Variants in CSGALNACT1 observed in about 807,000 individuals in gnomAD.
CSGALNACT1 encodes beta4GalNAcT-1.
CSGALNACT1 carries 52 observed loss-of-function variants against 51.0 expected under a neutral mutation model. That is an observed-to-expected ratio of 1.02 (90% CI 0.82 to 1.29). The LOEUF (loss-of-function observed/expected upper bound fraction) is 1.29. Among genes scored for constraint, CSGALNACT1 ranks in the 50% most tolerant of loss-of-function variants. CSGALNACT1 has a pLI of 0.00. For missense variants in CSGALNACT1, 935 were observed against 679.2 expected (o/e 1.38, Z -4.19); for synonymous variants, 341 against 254.4 (o/e 1.34, Z -3.24).
chr8:19,757,045 C>A lies in CSGALNACT1; in HGVS notation c.-297+805G>T, dbSNP rs117994996. 0.087 allele frequency: 13,051 copies of A among 150,706 alleles called. 762 individuals carry two copies. Among genetic ancestry groups the A allele is most frequent in the East Asian group, 0.24 (1,230 of 5,062 alleles). 9.3% of individuals were successfully genotyped at this position (150,706 alleles called of 1,614,324 possible). A position where few individuals can be genotyped will look rare whatever the true frequency, so the allele number is the denominator to read the frequency against. ...GGGAGGCCAGGCGCGGCACCGTCCT[C>A]CGCAGCTGCACGAGCCACCCCGAGG... is the stretch of plus-strand genomic sequence containing the variant. On this transcript the variant is annotated intron_variant, in intron 1 of 1. Transcript: ENST00000517494. The surrounding 1 kb of genome is among the most constrained non-coding windows in gnomAD (Gnocchi z 4.0).
upstream of CSGALNACT1, among the ~76,000 whole-genome samples, chr8:19,685,071 C>T (rs373507773): frequency 2.0e-5 from 3 of 152,060 alleles, no homozygotes; most frequent in African/African-American, 7.2e-5. Context: ...GTAAAGAGCA[C>T]AAACTTTGAA....
intron 4 of CSGALNACT1, among the ~76,000 whole-genome samples, chr8:19,464,279 C>A (rs2066182062): frequency 6.6e-6 from 1 of 152,148 alleles, no homozygotes; most frequent in African/African-American, 2.4e-5. Context: ...GCCTCTGGGG[C>A]CCAGTCGGTC....
intron 3 of CSGALNACT1, among the ~76,000 whole-genome samples, chr8:19,585,609 C>G (rs77744772): frequency 0.023 from 3,447 of 152,236 alleles, 148 homozygotes; most frequent in African/African-American, 0.079. Context: ...TATTAATTCC[C>G]TGATTGGTAA....
intron 6 of CSGALNACT1, among the ~76,000 whole-genome samples, chr8:19,433,619 G>A (rs771426910): frequency 5.3e-5 from 8 of 152,220 alleles, no homozygotes; most frequent in Non-Finnish European, 1.2e-4. Context: ...GTCAAATAAA[G>A]ACAACCTTGT....
At chr8:19,544,971 G>A (rs2154075502) in intron 3 of CSGALNACT1, among the ~76,000 whole-genome samples, 1 of 152,064 alleles carries the variant, frequency 6.6e-6, no homozygotes, top group Non-Finnish European at 1.5e-5. Flanking sequence ...ATGGGAACCA[G>A]GGGAGAAGCC....
At chr8:19,579,957 G>C (rs1402579140) in intron 3 of CSGALNACT1, among the ~76,000 whole-genome samples, 1 of 152,220 alleles carries the variant, frequency 6.6e-6, no homozygotes, top group South Asian at 2.1e-4. Context: ...AAGAGGAGGA[G>C]AAATAGCTGC....
intron 1 of CSGALNACT1, among the ~76,000 whole-genome samples, chr8:19,681,307 G>T (rs992614584): frequency 1.3e-5 from 2 of 152,162 alleles, no homozygotes; most frequent in African/African-American, 4.8e-5. Flanking sequence ...ATATGTGTAA[G>T]AGGTTGAGGC....
intron 3 of CSGALNACT1, among the ~76,000 whole-genome samples, chr8:19,564,889 T>C (rs1409645550): frequency 2.0e-5 from 3 of 152,194 alleles, no homozygotes; most frequent in Non-Finnish European, 4.4e-5. Flanking sequence ...CCTAGAACAG[T>C]GCCAGGCACA....
chr8:19,533,966 T>TTC (rs1359608642), intron 3 of CSGALNACT1, among the ~76,000 whole-genome samples: 1 of 152,130 alleles, frequency 6.6e-6, no homozygotes, highest in Non-Finnish European at 1.5e-5. Flanking sequence ...TTGGCATGTC[T>TTC]CTCCCTACCT....
chr8:19,525,812 C>A lies in CSGALNACT1; in HGVS notation c.-296-19682G>T, dbSNP rs79558422. On this transcript the variant is annotated intron_variant, in intron 3 of 9. Transcript: ENST00000454498. Reference sequence around the variant, plus strand: ...AACCTCTGAACTGAGGCCCTAGAACCAGCACCTTGGCAGTGCCAGCTACGT... The same window carrying A: ...AACCTCTGAACTGAGGCCCTAGAACAAGCACCTTGGCAGTGCCAGCTACGT... 9.9e-3 allele frequency among the ~76,000 whole-genome samples: 1,503 copies of A among 152,054 alleles called. 28 individuals are homozygous for A. The highest frequency in any genetic ancestry group is 0.035 in the African/African-American group (1,431 of 41,476).
chr8:19,665,791 T>C (rs562790931), intron 1 of CSGALNACT1, among the ~76,000 whole-genome samples: 87 of 152,338 alleles, frequency 5.7e-4, no homozygotes, highest in African/African-American at 2.0e-3. Context: ...TAATTACACC[T>C]GGGATAATGA....
At chr8:19,617,838 G>C (rs1035546048) in intron 1 of CSGALNACT1, among the ~76,000 whole-genome samples, 3 of 152,100 alleles carry the variant, frequency 2.0e-5, no homozygotes, top group African/African-American at 7.2e-5. Flanking sequence ...GAATAGATAG[G>C]CTTTTAAAAG....
chr8:19,595,866 T>A (rs2048776634), intron 2 of CSGALNACT1, among the ~76,000 whole-genome samples: 1 of 140,422 alleles, frequency 7.1e-6, no homozygotes, highest in African/African-American at 2.9e-5. Context: ...AATGTATTTT[T>A]TTTTTTTTTT....
At chr8:19,478,143 G>A (rs1250252771) in intron 4 of CSGALNACT1, among the ~76,000 whole-genome samples, 2 of 54,866 alleles carry the variant, frequency 3.6e-5, no homozygotes, top group Non-Finnish European at 4.9e-5. Flanking sequence ...GGCCGGGTGC[G>A]GTGGCTCACG....
intron 3 of CSGALNACT1, among the ~76,000 whole-genome samples, chr8:19,586,257 G>A (rs749026778): frequency 3.9e-5 from 6 of 152,054 alleles, no homozygotes; most frequent in Non-Finnish European, 8.8e-5. Context: ...TACTTGGGAG[G>A]CTGAAGCAGA....
chr8:19,421,979 T>C (rs955357871), intron 6 of CSGALNACT1, among the ~76,000 whole-genome samples: 3 of 152,124 alleles, frequency 2.0e-5, no homozygotes, highest in African/African-American at 7.2e-5. Flanking sequence ...CAACAGATGT[T>C]TCTGAATGAG....
intron 3 of CSGALNACT1, among the ~76,000 whole-genome samples, chr8:19,560,106 G>A (rs115293475): frequency 6.6e-6 from 1 of 152,164 alleles, no homozygotes; most frequent in African/African-American, 2.4e-5. Flanking sequence ...TGTTGCATAG[G>A]TAGTAAGTAG....
intron 1 of CSGALNACT1, among the ~76,000 whole-genome samples, chr8:19,710,068 T>C (rs1228257822): frequency 6.6e-6 from 1 of 152,156 alleles, no homozygotes; most frequent in Admixed American, 6.5e-5. Flanking sequence ...TAATTTTTCC[T>C]CCTTAAGAAA....
At chr8:19,710,428 C>T (rs970895762) in intron 1 of CSGALNACT1, among the ~76,000 whole-genome samples, 1 of 152,162 alleles carries the variant, frequency 6.6e-6, no homozygotes, top group Admixed American at 6.5e-5. Context: ...CTTAACAACG[C>T]TATGCTTGGT....
Sources: gnomAD v4.1 joint callset for allele counts (sites outside exome capture counted in the v4.1 genomes callset) on GRCh38, gnomAD v4.1.1 for gene constraint, Gnocchi (gnomAD v3.1) non-coding constraint, MANE v1.5 for transcripts, NCBI Gene and HGNC (gene_info 2026-07-23, HGNC 2026-07-21) for gene names.